The following SBF2 variants were observed in gnomAD, a reference collection of about 807,000 sequenced individuals.
The protein encoded by SBF2 is myotubularin-related protein 13.
SBF2 carries 112 observed loss-of-function variants against 225.2 expected under a neutral mutation model. The ratio of observed to expected loss-of-function variants is 0.50; its 90% CI spans 0.43 to 0.58. The LOEUF is 0.58. SBF2 is among the 20% of genes least tolerant of loss of function. The probability of loss-of-function intolerance (pLI) is 0.00; values close to 1 mark genes in which losing one functional copy is unlikely to be tolerated. For missense variants in SBF2, 1,996 were observed against 2,206.2 expected (o/e 0.90, Z 1.91); for synonymous variants, 763 against 773.3 (o/e 0.99, Z 0.22).
At chr11:10,158,869 T>C (rs978832780) in intron 2 of SBF2, among the ~76,000 whole-genome samples, 2 of 152,198 alleles carry the variant, frequency 1.3e-5, no homozygotes, top group African/African-American at 4.8e-5. Context: ...AAATTTAGTA[T>C]ACCACATTAA....
At chr11:9,853,117 T>A (rs1857077548) in intron 20 of SBF2, among the ~76,000 whole-genome samples, 1 of 152,186 alleles carries the variant, frequency 6.6e-6, no homozygotes, top group Non-Finnish European at 1.5e-5. Flanking sequence ...GTATGAACCT[T>A]GAAAACATTA....
chr11:9,973,057 G>A (rs552317551), intron 13 of SBF2, among the ~76,000 whole-genome samples: 1 of 152,328 alleles, frequency 6.6e-6, no homozygotes, highest in Non-Finnish European at 1.5e-5. Context: ...TCTGGCTCCT[G>A]AGTCTGTATA....
At chr11:9,985,703 G>A (rs1041210041) in intron 13 of SBF2, among the ~76,000 whole-genome samples, 4 of 152,124 alleles carry the variant, frequency 2.6e-5, no homozygotes, top group Admixed American at 2.6e-4. Flanking sequence ...GTATATAATG[G>A]TAAAAGGCCT....
At chr11:9,815,939 G>C (rs1441498109) in intron 29 of SBF2, among the ~76,000 whole-genome samples, 1 of 152,164 alleles carries the variant, frequency 6.6e-6, no homozygotes, top group African/African-American at 2.4e-5. Context: ...AGATGACTCA[G>C]TTACTGGCAT....
At chr11:10,143,850 T>C (rs1009890474) in intron 2 of SBF2, among the ~76,000 whole-genome samples, 4 of 152,154 alleles carry the variant, frequency 2.6e-5, no homozygotes, top group African/African-American at 9.7e-5. Flanking sequence ...CCCGAGTAGC[T>C]GGGACTACAG....
At chr11:10,090,118 G>A (rs1464862357) in intron 2 of SBF2, among the ~76,000 whole-genome samples, 3 of 152,110 alleles carry the variant, frequency 2.0e-5, no homozygotes, top group Non-Finnish European at 4.4e-5. Flanking sequence ...CTTATACAAG[G>A]TACTTAGAAT....
chr11:9,846,900 T>TA lies in SBF2; in HGVS notation c.2934+55_2934+56insT. 5 of 1,599,034 alleles carry TA rather than the reference T, an allele frequency of 3.1e-6. No individual in the cohort carries two copies. In the South Asian group the frequency reaches 5.5e-5, roughly 18 times the overall value. On this transcript the variant is annotated intron_variant, in intron 23 of 39. Coordinates refer to ENST00000256190, the MANE Select transcript of SBF2 (RefSeq NM_030962.4). ...ATGACCACACAAAATGGCCATAATA[T>TA]CATTTGACTTTTGAAAATTTTTGAA... is the stretch of plus-strand genomic sequence containing the variant.
At chr11:9,859,401 A>C (rs968262087) in intron 17 of SBF2, among the ~76,000 whole-genome samples, 1 of 152,212 alleles carries the variant, frequency 6.6e-6, no homozygotes, top group Non-Finnish European at 1.5e-5. Flanking sequence ...TCAGTTAGTG[A>C]CTTGAGTCAA....
intron 2 of SBF2, among the ~76,000 whole-genome samples, chr11:10,158,184 A>C (rs1955562599): frequency 6.6e-6 from 1 of 152,200 alleles, no homozygotes; most frequent in Non-Finnish European, 1.5e-5. Context: ...GATGCAGCAA[A>C]AGCAGTTCTA....
At chr11:10,129,723 G>A (rs1000178642) in intron 2 of SBF2, among the ~76,000 whole-genome samples, 2 of 152,126 alleles carry the variant, frequency 1.3e-5, no homozygotes, top group African/African-American at 4.8e-5. Flanking sequence ...TACGGACAGC[G>A]TCTTTAATCA....
intron 17 of SBF2, among the ~76,000 whole-genome samples, chr11:9,891,199 A>G (rs575704312): frequency 7.3e-5 from 11 of 151,628 alleles, no homozygotes; most frequent in Admixed American, 2.0e-4. Context: ...ACTGTTGCTC[A>G]CTGCTATTGT....
At chr11:10,101,006 G>A (rs1289966240) in intron 2 of SBF2, among the ~76,000 whole-genome samples, 3 of 152,168 alleles carry the variant, frequency 2.0e-5, no homozygotes, top group Non-Finnish European at 4.4e-5. Context: ...GGAGTTCTTG[G>A]TTAGGGATCT....
chr11:9,943,414 A>G (rs1865395567), intron 16 of SBF2, among the ~76,000 whole-genome samples: 1 of 152,178 alleles, frequency 6.6e-6, no homozygotes, highest in Non-Finnish European at 1.5e-5. Flanking sequence ...ATATTTGCCA[A>G]AAGACATCAG....
chr11:9,845,687 A>T lies in SBF2; in HGVS notation c.2988T>A (p.Phe996Leu). 6.2e-7 allele frequency: 1 copy of T among 1,613,966 alleles called. No homozygotes were observed. The highest frequency in any genetic ancestry group is 1.6e-4 in the Middle Eastern group (1 of 6,062). Residue 996 changes from phenylalanine to leucine, a missense_variant, in exon 24 of 40, where the codon TTT becomes TTA. Coordinates refer to ENST00000256190, the MANE Select transcript of SBF2 (RefSeq NM_030962.4). ...EEVSPEVVEI[F>L]KKQLMKFRYP... ...AACGGAACTTCATCAGCTGTTTCTT[A>T]AAGATCTCTACTACTTCTGGACTGA... is the stretch of plus-strand genomic sequence containing the variant.
intron 33 of SBF2, among the ~76,000 whole-genome samples, chr11:9,794,683 A>AAAAAAAAC (rs1852993829): frequency 7.4e-6 from 1 of 135,936 alleles, no homozygotes; most frequent in Non-Finnish European, 1.6e-5. Flanking sequence ...TCTCAAAAAA[A>AAAAAAAAC]AAAAAAAAAA....
At chr11:10,080,208 A>T (rs1951306472) in intron 2 of SBF2, among the ~76,000 whole-genome samples, 1 of 146,656 alleles carries the variant, frequency 6.8e-6, no homozygotes, top group Non-Finnish European at 1.5e-5. Context: ...AGGTCACACC[A>T]CTGCACTCCA....
chr11:10,115,263 A>G (rs1471568907), intron 2 of SBF2, among the ~76,000 whole-genome samples: 1 of 152,168 alleles, frequency 6.6e-6, no homozygotes, highest in East Asian at 1.9e-4. Context: ...CTTTTCTATA[A>G]ATCACCTTTT....
At chr11:10,300,437 G>A (rs756795678) in intron 1 of SBF2, among the ~76,000 whole-genome samples, 1 of 152,074 alleles carries the variant, frequency 6.6e-6, no homozygotes, top group Non-Finnish European at 1.5e-5. Context: ...AGGCCAAGGC[G>A]AGTGGATCTC....
rs1857460987 is a variant in SBF2, at chr11:9,858,240, G to A, written c.2086C>T (p.His696Tyr). Reference sequence around the variant, plus strand: ...TTCTCTCTTACCTTTTGCTTCAGATGCGGGGCATGATTGTCTTCCTTGGCT... The same window carrying A: ...TTCTCTCTTACCTTTTGCTTCAGATACGGGGCATGATTGTCTTCCTTGGCT... ...LSAKEDNHAP[H>Y]LKQKDKLPDD... The change falls in exon 18 of 40, where the codon CAT becomes TAT. Residue 696 changes from histidine to tyrosine, a missense_variant. By Grantham distance (83) the His-to-Tyr change is moderately conservative. Transcript: ENST00000256190. 1 of 1,614,106 alleles carries A rather than the reference G, an allele frequency of 6.2e-7. No homozygotes were observed. The highest frequency in any genetic ancestry group is 8.5e-7 in the Non-Finnish European group (1 of 1,179,988).
Sources: allele counts gnomAD v4.1 joint callset (sites outside exome capture counted in the v4.1 genomes callset), GRCh38; gene constraint gnomAD v4.1.1; transcripts MANE v1.5; gene names NCBI Gene and HGNC (gene_info 2026-07-23, HGNC 2026-07-21).